The following CCDC62 variants were observed in gnomAD, a reference collection of about 807,000 sequenced individuals.
CCDC62 encodes coiled-coil domain containing 62.
A neutral mutation model predicts 80.8 loss-of-function variants in CCDC62; 72 were observed. The ratio of observed to expected loss-of-function variants is 0.89; its 90% CI spans 0.74 to 1.08. CCDC62 has a LOEUF of 1.08. CCDC62 is among the 50% of genes least tolerant of loss of function. The probability of loss-of-function intolerance (pLI) is 0.00; values close to 1 mark genes in which losing one functional copy is unlikely to be tolerated. For synonymous variants in CCDC62, 286 were observed against 296.5 expected (o/e 0.96, Z 0.36); for missense variants, 704 against 809.4 (o/e 0.87, Z 1.58).
At chr12:122,791,224 C>T (rs7138313) in intron 5 of CCDC62, among the ~76,000 whole-genome samples, 20,560 of 151,710 alleles carry the variant, frequency 0.14, 2,411 homozygotes, top group African/African-American at 0.31. Context: ...CACTGCAACC[C>T]CCGCCTGCCT....
intron 2 of CCDC62, among the ~76,000 whole-genome samples, chr12:122,778,473 C>G (rs1879620426): frequency 1.3e-5 from 2 of 151,982 alleles, no homozygotes; most frequent in Non-Finnish European, 2.9e-5. Flanking sequence ...TCCATTGACT[C>G]TAGATTGTTA....
chr12:122,784,727 C>T (rs1354777079), intron 3 of CCDC62, among the ~76,000 whole-genome samples: 4 of 151,912 alleles, frequency 2.6e-5, no homozygotes, highest in South Asian at 2.1e-4. Flanking sequence ...CCCAGCTACT[C>T]GGGACACTGA....
chr12:122,798,199 A>G lies in CCDC62; in HGVS notation c.976A>G (p.Ser326Gly). The change falls in exon 8 of 13, where the codon AGC (serine) becomes GGC (glycine). Residue 326 changes from serine to glycine, a missense_variant and splice_region_variant. Transcript: ENST00000253079. ...GGAGGAATCAAAGGCTCTGGACTCC[A>G]GGTAATCTTAGCAAGATGCAATTAA... ...KMEESKALDS[S>G]RDMCLSDLEN... 1 of 1,351,490 alleles carries G rather than the reference A, an allele frequency of 7.4e-7. No homozygotes were observed. Among genetic ancestry groups the G allele is most frequent in the Non-Finnish European group, 1.1e-6 (1 of 942,802 alleles). The allele number at this position is 1,351,490 out of a possible 1,614,324, so 83.7% of individuals were successfully genotyped here.
At chr12:122,781,983 G>A (rs1225976528) in intron 3 of CCDC62, among the ~76,000 whole-genome samples, 1 of 149,406 alleles carries the variant, frequency 6.7e-6, no homozygotes, top group Non-Finnish European at 1.5e-5. Context: ...GGTCAAGGCT[G>A]CAGTAAGCTG....
chr12:122,805,655 C>T (rs1286273758), intron 9 of CCDC62, among the ~76,000 whole-genome samples: 1 of 151,928 alleles, frequency 6.6e-6, no homozygotes, highest in Non-Finnish European at 1.5e-5. Flanking sequence ...GCTGGGACTA[C>T]AGGCACCCGC....
At chr12:122,781,465 C>G in intron 3 of CCDC62, 135 bp downstream of exon 3, 1 of 735,944 alleles carries the variant, frequency 1.4e-6, no homozygotes, top group South Asian at 1.6e-5. Context: ...GCAGGTGGAT[C>G]ACCTGAGGTC....
chr12:122,812,281 A>G (rs1048971962), intron 10 of CCDC62, among the ~76,000 whole-genome samples: 6 of 151,854 alleles, frequency 4.0e-5, no homozygotes, highest in Non-Finnish European at 5.9e-5. Context: ...TGTCTCTACT[A>G]AAAATACAAA....
chr12:122,805,664 G>A (rs2031562601), intron 9 of CCDC62, among the ~76,000 whole-genome samples: 3 of 151,880 alleles, frequency 2.0e-5, no homozygotes, highest in Admixed American at 2.0e-4. Flanking sequence ...ACAGGCACCC[G>A]CCACCACACC....
At chr12:122,820,061 C>CAA (rs34620795) in intron 11 of CCDC62, among the ~76,000 whole-genome samples, 45,378 of 58,278 alleles carry the variant, frequency 0.78, 18,192 homozygotes, top group Admixed American at 0.84. Context: ...GATCCTGTCT[C>CAA]AAAAAAAAAA....
In CCDC62 at chr12:122,806,220, G is replaced by A. The variant is rs377321233; in HGVS notation, c.1776G>A (p.Thr592=). 6.2e-6 allele frequency: 10 copies of A among 1,612,950 alleles called. No homozygotes were observed. Among genetic ancestry groups the A allele is most frequent in the African/African-American group, 5.3e-5 (4 of 74,844 alleles). Residue 592 remains threonine (T), a synonymous_variant, in exon 10 of 13, where the codon ACG becomes ACA. Coordinates refer to ENST00000253079, the MANE Select transcript of CCDC62 (RefSeq NM_201435.5). The part of the protein sequence containing the change: ...SSKSALREDE[T]ESSSNKKNSP... Reference sequence around the variant, plus strand: ...AATCTGCCTTGAGAGAAGATGAGACGGAGTCCTCTTCCAATAAAAAGAACT... The same window carrying A: ...AATCTGCCTTGAGAGAAGATGAGACAGAGTCCTCTTCCAATAAAAAGAACT...
chr12:122,806,314 C>T lies in CCDC62; in HGVS notation c.1851+19C>T. 1 of 1,592,040 alleles carries T rather than the reference C, an allele frequency of 6.3e-7. No individual in the cohort carries two copies. Among genetic ancestry groups the T allele is most frequent in the Non-Finnish European group, 8.6e-7 (1 of 1,165,548 alleles). On this transcript the variant is annotated intron_variant, in intron 10 of 12. Transcript: ENST00000253079. ...TGAAAAGGTTCGTATTTTGCTTAGA[C>T]ATCCCCAGCTTACTCAAGCCAGGCC...
intron 11 of CCDC62, among the ~76,000 whole-genome samples, chr12:122,815,572 G>A (rs867224855): frequency 9.2e-5 from 14 of 151,656 alleles, no homozygotes; most frequent in Non-Finnish European, 1.2e-4. Context: ...TCAGCCTCCC[G>A]AGTAGCTGGG....
At chr12:122,780,050 G>A (rs371853508) in intron 2 of CCDC62, among the ~76,000 whole-genome samples, 3 of 151,524 alleles carry the variant, frequency 2.0e-5, no homozygotes, top group African/African-American at 4.8e-5. Flanking sequence ...GGTGGCTCAC[G>A]CCTGTAATCC....
chr12:122,792,102 C>T lies in CCDC62; in HGVS notation c.753C>T (p.His251=), dbSNP rs113175341. Residue 251 remains histidine, a synonymous_variant, in exon 6 of 13, where the codon CAC becomes CAT. Coordinates refer to ENST00000253079, the MANE Select transcript of CCDC62 (RefSeq NM_201435.5). The part of the protein sequence containing the change: ...IRLKQEKSCL[H]DELLFTVERE... ...TCAAGCAAGAGAAAAGTTGCCTGCA[C>T]GATGAATTGCTTTTTACTGGTAAAA... 22 of 1,608,408 alleles carry T rather than the reference C, an allele frequency of 1.4e-5. No individual in the cohort carries two copies. The highest frequency in any genetic ancestry group is 1.2e-4 in the Admixed American group (7 of 59,924).
chr12:122,822,094 ATTAT>A (rs1204148036), intron 11 of CCDC62, among the ~76,000 whole-genome samples: 8 of 11,482 alleles, frequency 7.0e-4, no homozygotes, highest in East Asian at 0.011. Context: ...CACACACGAC[ATTAT>A]TTATCTTTTT....
rs1220100160 is a variant in CCDC62 at position 122,789,591 on chromosome 12, C to G, written c.670+662C>G. Among the ~76,000 whole-genome samples the G allele has an allele frequency of 2.0e-5, 3 of 152,250 alleles. No individual in the cohort carries two copies. The East Asian group carries it at 5.8e-4, about 29-fold the overall frequency. On this transcript the variant is annotated intron_variant, in intron 5 of 12. Coordinates refer to ENST00000253079, the MANE Select transcript of CCDC62 (RefSeq NM_201435.5). The stretch of plus-strand genomic sequence containing the variant: ...GGGATTACAGGCACCTACCACCATG[C>G]CTGGCTAATTTTTGGATGTTTAGTA...
At chr12:122,824,618 G>C (rs2032539513) in intron 12 of CCDC62, among the ~76,000 whole-genome samples, 1 of 139,232 alleles carries the variant, frequency 7.2e-6, no homozygotes, top group South Asian at 2.4e-4. Flanking sequence ...TATCCATAAA[G>C]AACTAAAAGT....
At chr12:122,815,410 G>A (rs948215422) in intron 11 of CCDC62, among the ~76,000 whole-genome samples, 6 of 151,438 alleles carry the variant, frequency 4.0e-5, no homozygotes, top group Admixed American at 2.6e-4. Flanking sequence ...TTTAAAAAGC[G>A]AAATTTAAAA....
At chr12:122,790,278 T>A (rs2030520334) in intron 5 of CCDC62, among the ~76,000 whole-genome samples, 1 of 152,112 alleles carries the variant, frequency 6.6e-6, no homozygotes, top group South Asian at 2.1e-4. Context: ...CTCAAACTCC[T>A]GAGCTTGTGA....
Sources: allele counts gnomAD v4.1 joint callset (sites outside exome capture counted in the v4.1 genomes callset), GRCh38; gene constraint gnomAD v4.1.1; transcripts MANE v1.5; gene names NCBI Gene and HGNC (gene_info 2026-07-23, HGNC 2026-07-21).